AGBL1: variants seen among roughly 807,000 people sequenced by gnomAD.
AGBL1 encodes AGBL carboxypeptidase 1.
Under a neutral mutation model 118.9 loss-of-function variants are expected in AGBL1, and 130 were observed. That is an observed-to-expected ratio of 1.09 (90% CI 0.95 to 1.26). AGBL1 has a LOEUF of 1.26. Ranked by LOEUF, AGBL1 falls within the 50% of genes most tolerant of loss-of-function variation. The pLI, the probability that AGBL1 is intolerant of heterozygous loss-of-function variation, is 0.00. For missense variants in AGBL1, 1,584 were observed against 1,298.1 expected (o/e 1.22, Z -3.38); for synonymous variants, 555 against 478.9 (o/e 1.16, Z -2.08).
chr15:86,663,938 C>G (rs1361960164), intron 21 of AGBL1, among the ~76,000 whole-genome samples: 1 of 152,118 alleles, frequency 6.6e-6, no homozygotes, highest in Non-Finnish European at 1.5e-5. Context: ...TATGCATCCT[C>G]TAGAAAAACA....
intron 22 of AGBL1, among the ~76,000 whole-genome samples, chr15:86,858,341 T>C (rs2079513774): frequency 6.6e-6 from 1 of 151,976 alleles, no homozygotes; most frequent in African/African-American, 2.4e-5. Flanking sequence ...TCACTGGGAG[T>C]TTACCAGCCC....
At chr15:86,356,153 G>T (rs1455643652) in intron 17 of AGBL1, among the ~76,000 whole-genome samples, 1 of 152,138 alleles carries the variant, frequency 6.6e-6, no homozygotes, top group African/African-American at 2.4e-5. Context: ...AGAGGGAGAG[G>T]CCATTTGTTG....
At chr15:86,429,261 A>G (rs1378679687) in intron 18 of AGBL1, among the ~76,000 whole-genome samples, 1 of 152,218 alleles carries the variant, frequency 6.6e-6, no homozygotes, top group East Asian at 1.9e-4. Context: ...AACATGCCAA[A>G]TGTGGGATCT....
intron 17 of AGBL1, among the ~76,000 whole-genome samples, chr15:86,381,212 C>G (rs1474157408): frequency 6.6e-6 from 1 of 152,114 alleles, no homozygotes; most frequent in Non-Finnish European, 1.5e-5. Flanking sequence ...TTATGAGTGA[C>G]TCTTTTGCCA....
At chr15:86,463,413 T>G (rs1207293978) in intron 18 of AGBL1, among the ~76,000 whole-genome samples, 4 of 152,202 alleles carry the variant, frequency 2.6e-5, no homozygotes, top group African/African-American at 9.6e-5. Context: ...GATGATAGTT[T>G]CTTTTGCTGT....
chr15:86,968,965 C>T (rs1443544112), intron 23 of AGBL1, among the ~76,000 whole-genome samples: 2 of 151,888 alleles, frequency 1.3e-5, no homozygotes, highest in African/African-American at 4.8e-5. Context: ...CTTGTCGCCA[C>T]ACAAAGGCCC....
chr15:86,634,985 G>A (rs1451676497), intron 21 of AGBL1, among the ~76,000 whole-genome samples: 1 of 151,960 alleles, frequency 6.6e-6, no homozygotes, highest in Admixed American at 6.6e-5. Flanking sequence ...TGTCTAAAGG[G>A]AACGCCACTA....
In AGBL1 at chr15:86,947,512, G is replaced by A. The variant is rs565705311; in HGVS notation, c.3222-40475G>A. ...GTTTGCCTGATCATGGCTTCAGGGC[G>A]AAAACAGAAAGGATTGCTGAGCTAA... On this transcript the variant is annotated intron_variant, in intron 23 of 24. Coordinates refer to the AGBL1 transcript ENST00000441037. Among the ~76,000 whole-genome samples, 23 of 152,228 alleles carry A rather than the reference G, an allele frequency of 1.5e-4. 2 individuals are homozygous for A. The South Asian group carries it at 3.3e-3, about 22-fold the overall frequency.
intron 24 of AGBL1, among the ~76,000 whole-genome samples, chr15:87,009,346 A>G (rs1339809743): frequency 6.6e-6 from 1 of 152,206 alleles, no homozygotes; most frequent in African/African-American, 2.4e-5. Context: ...CATGGTGTTG[A>G]GCCTGTGAGT....
chr15:86,438,061 A>G (rs976863538), intron 18 of AGBL1, among the ~76,000 whole-genome samples: 1 of 152,010 alleles, frequency 6.6e-6, no homozygotes, highest in African/African-American at 2.4e-5. Context: ...GCGTGCCACC[A>G]TGCCCAACTA....
At chr15:86,923,129 T>C (rs2080496861) in intron 23 of AGBL1, among the ~76,000 whole-genome samples, 1 of 152,220 alleles carries the variant, frequency 6.6e-6, no homozygotes, top group African/African-American at 2.4e-5. Context: ...TGTGTCTATC[T>C]GCGCTCTCAT....
intron 22 of AGBL1, among the ~76,000 whole-genome samples, chr15:86,830,210 A>G (rs1236832293): frequency 1.3e-5 from 2 of 152,162 alleles, no homozygotes; most frequent in African/African-American, 4.8e-5. Context: ...TTTTACCTAC[A>G]CATTATACCC....
At chr15:86,426,956 G>A (rs1247212934) in intron 18 of AGBL1, among the ~76,000 whole-genome samples, 1 of 152,140 alleles carries the variant, frequency 6.6e-6, no homozygotes, top group Non-Finnish European at 1.5e-5. Flanking sequence ...AGTAGAGTCA[G>A]GGTTTTGCCC....
At chr15:86,146,596 G>A (rs1359518663) in intron 3 of AGBL1, among the ~76,000 whole-genome samples, 1 of 152,186 alleles carries the variant, frequency 6.6e-6, no homozygotes, top group African/African-American at 2.4e-5. Flanking sequence ...GGTTTTATAG[G>A]AGAAAGAGAG....
intron 4 of AGBL1, among the ~76,000 whole-genome samples, chr15:86,155,791 C>T (rs1167795311): frequency 6.6e-6 from 1 of 152,128 alleles, no homozygotes; most frequent in Non-Finnish European, 1.5e-5. Flanking sequence ...ACCTCAGTTT[C>T]ATCCTTTACA....
chr15:86,236,571 G>A (rs1284916598), intron 6 of AGBL1, among the ~76,000 whole-genome samples: 2 of 152,066 alleles, frequency 1.3e-5, no homozygotes, highest in African/African-American at 4.8e-5. Context: ...TAGTGTTACA[G>A]CTCTGAGGAC....
chr15:86,852,325 C>T (rs996543103), intron 22 of AGBL1, among the ~76,000 whole-genome samples: 3 of 152,136 alleles, frequency 2.0e-5, no homozygotes, highest in East Asian at 1.9e-4. Context: ...ACTGCTCCCA[C>T]GATCCAAACA....
intron 22 of AGBL1, among the ~76,000 whole-genome samples, chr15:86,892,699 A>G (rs2080068749): frequency 1.3e-5 from 2 of 152,184 alleles, no homozygotes; most frequent in Non-Finnish European, 2.9e-5. Flanking sequence ...TTTTCTCAAC[A>G]GTGCCTAGTG....
At chr15:86,463,268 C>T (rs2082356296) in intron 18 of AGBL1, among the ~76,000 whole-genome samples, 1 of 150,380 alleles carries the variant, frequency 6.6e-6, no homozygotes, top group African/African-American at 2.4e-5. Context: ...ATCCTTTGCC[C>T]ACATTTGATG....
Sources: gnomAD v4.1 joint callset for allele counts (sites outside exome capture counted in the v4.1 genomes callset) on GRCh38, gnomAD v4.1.1 for gene constraint, MANE v1.5 for transcripts, NCBI Gene and HGNC (gene_info 2026-07-23, HGNC 2026-07-21) for gene names.